Variants in TCF12 observed in about 807,000 individuals in gnomAD.
The protein encoded by TCF12 is DNA-binding protein HTF4.
A neutral mutation model predicts 86.0 loss-of-function variants in TCF12; 45 were observed. The observed-to-expected ratio is 0.52, with a 90% CI of 0.41 to 0.67. The LOEUF (loss-of-function observed/expected upper bound fraction) is 0.67. TCF12 is among the 30% of genes least tolerant of loss of function. TCF12 has a pLI of 0.00. For synonymous variants in TCF12, 330 were observed against 299.6 expected (o/e 1.10, Z -1.05); for missense variants, 881 against 859.9 (o/e 1.02, Z -0.31).
chr15:57,252,397 C>A, intron 14 of TCF12, 24 bp from the exon 15 acceptor site: 1 of 1,605,654 alleles, frequency 6.2e-7, no homozygotes, highest in South Asian at 1.1e-5. Flanking sequence ...TGCTTTGCCT[C>A]CTGTTCTGTC....
At position 57,202,656 on chromosome 15, in the gene TCF12, C is replaced by T. The variant is rs1050186893; in HGVS notation, c.579+4831C>T. 7.3e-5 allele frequency among the ~76,000 whole-genome samples: 11 copies of T among 151,680 alleles called. No homozygotes were observed. The East Asian group carries it at 7.8e-4, about 11-fold the overall frequency. On this transcript the variant is annotated intron_variant, in intron 8 of 20. Coordinates refer to ENST00000333725, the MANE Select transcript of TCF12 (RefSeq NM_207037.2). Reference sequence around the variant, plus strand: ...TTCACCGCTATAGCCAGGATGGTCTCGATCTCCCGACCTCCTGATCCACCT... The same window carrying T: ...TTCACCGCTATAGCCAGGATGGTCTTGATCTCCCGACCTCCTGATCCACCT...
At chr15:57,014,195 C>A (rs1000323148) in intron 3 of TCF12, among the ~76,000 whole-genome samples, 4 of 152,124 alleles carry the variant, frequency 2.6e-5, no homozygotes, top group Non-Finnish European at 5.9e-5. Context: ...GTTGATGTAC[C>A]AGTCTGATAA....
At chr15:56,985,075 A>T (rs76011204) in intron 3 of TCF12, among the ~76,000 whole-genome samples, 4,806 of 152,290 alleles carry the variant, frequency 0.032, 97 homozygotes, top group Non-Finnish European at 0.049. Flanking sequence ...TTCTTTTTAT[A>T]TATCAAAATG....
chr15:57,244,608 T>A lies in TCF12; in HGVS notation c.1114+1058T>A, dbSNP rs1185710928. 2.0e-5 allele frequency among the ~76,000 whole-genome samples: 3 copies of A among 152,126 alleles called. No homozygotes were observed. In the East Asian group the frequency reaches 5.8e-4, roughly 29 times the overall value. ...CCGAGTAGCTGGGATTACAGGCGTC[T>A]GCCACCACACCCGGCTAATTTTTGT... is the stretch of plus-strand genomic sequence containing the variant. On this transcript the variant is annotated intron_variant, in intron 13 of 20. Transcript: ENST00000333725.
At chr15:57,023,371 A>G (rs996094020) in intron 3 of TCF12, among the ~76,000 whole-genome samples, 5 of 152,168 alleles carry the variant, frequency 3.3e-5, no homozygotes, top group African/African-American at 4.8e-5. Context: ...AGGTGAGGAC[A>G]TTGAAACTCT....
At chr15:57,063,117 A>G (rs1158793218) in intron 3 of TCF12, among the ~76,000 whole-genome samples, 1 of 152,230 alleles carries the variant, frequency 6.6e-6, no homozygotes, top group East Asian at 1.9e-4. Flanking sequence ...TGCCACCTTC[A>G]TAAGAGTGGA....
At position 56,924,142 on chromosome 15, in the gene TCF12, G is replaced by C. The variant is rs1015067999; in HGVS notation, c.148+3044G>C. ...GTATTTCTATTTTTAGATAGTTGTA[G>C]ATTCATATGCAGTTGTAAGAAACTA... On this transcript the variant is annotated intron_variant, in intron 3 of 20. Transcript: ENST00000333725. Among the ~76,000 whole-genome samples, 21 of 152,116 alleles carry C rather than the reference G, an allele frequency of 1.4e-4. 1 individual carries two copies. The highest frequency in any genetic ancestry group is 1.6e-4 in the Non-Finnish European group (11 of 67,958).
At chr15:57,208,566 G>A (rs2057963934) in intron 8 of TCF12, among the ~76,000 whole-genome samples, 1 of 149,426 alleles carries the variant, frequency 6.7e-6, no homozygotes, top group East Asian at 2.0e-4. Flanking sequence ...TATTTTTTTT[G>A]TAGAAACAGG....
At chr15:56,945,700 A>G (rs1210335125) in intron 3 of TCF12, among the ~76,000 whole-genome samples, 1 of 151,998 alleles carries the variant, frequency 6.6e-6, no homozygotes, top group Non-Finnish European at 1.5e-5. Context: ...GAGGTTTGCC[A>G]TGGTTTGAAT....
intron 11 of TCF12, among the ~76,000 whole-genome samples, chr15:57,233,252 A>C (rs2059239654): frequency 6.6e-6 from 1 of 151,842 alleles, no homozygotes; most frequent in Non-Finnish European, 1.5e-5. Context: ...GGCTCACTGC[A>C]GCCTCAACCT....
At chr15:57,129,407 C>T (rs1385696564) in intron 5 of TCF12, among the ~76,000 whole-genome samples, 2 of 152,116 alleles carry the variant, frequency 1.3e-5, no homozygotes, top group Admixed American at 1.3e-4. Context: ...GAAAAATTAT[C>T]CAGGTTTAGT....
At chr15:57,113,778 T>TAAA (rs34582402) in intron 5 of TCF12, among the ~76,000 whole-genome samples, 10 of 95,800 alleles carry the variant, frequency 1.0e-4, no homozygotes, top group African/African-American at 2.1e-4. Flanking sequence ...CGTCTCTACT[T>TAAA]AAAAAAAAAA....
intron 5 of TCF12, among the ~76,000 whole-genome samples, chr15:57,128,986 C>T (rs1311728494): frequency 1.3e-5 from 2 of 152,064 alleles, no homozygotes; most frequent in Non-Finnish European, 2.9e-5. Context: ...AATAATATTG[C>T]TGTGTATTTG....
chr15:56,958,661 AAGAGAG>A lies in TCF12; in HGVS notation c.148+37576_148+37581del, dbSNP rs768375451. On this transcript the variant is annotated intron_variant, in intron 3 of 20. Coordinates refer to ENST00000333725, the MANE Select transcript of TCF12 (RefSeq NM_207037.2). Reference sequence around the variant, plus strand: ...ATATACAGTTTGCCTGTATATGAGAAAGAGAGAGAGAGAGAGAGTGTGTGTGTGTGT... The same window carrying A: ...ATATACAGTTTGCCTGTATATGAGAAAGAGAGAGAGAGTGTGTGTGTGTGT... Among the ~76,000 whole-genome samples, 469 of 119,078 alleles carry A rather than the reference AAGAGAG, an allele frequency of 3.9e-3. 4 individuals are homozygous for A. The highest frequency in any genetic ancestry group is 0.013 in the African/African-American group (450 of 34,928). The allele number at this position is 119,078 out of a possible 152,430, so 78.1% of individuals were successfully genotyped here.
intron 3 of TCF12, among the ~76,000 whole-genome samples, chr15:56,997,568 C>T (rs1397958703): frequency 6.6e-6 from 1 of 152,152 alleles, no homozygotes; most frequent in African/African-American, 2.4e-5. Context: ...CAGACCTCAG[C>T]ACCATCCAGT....
intron 3 of TCF12, among the ~76,000 whole-genome samples, chr15:56,993,057 A>G (rs12899187): frequency 0.39 from 58,746 of 151,966 alleles, 14,185 homozygotes; most frequent in Non-Finnish European, 0.53. Flanking sequence ...GAAGACTAGC[A>G]TTCAGAATAC....
intron 3 of TCF12, among the ~76,000 whole-genome samples, chr15:57,011,591 A>G (rs766011814): frequency 2.6e-4 from 40 of 152,236 alleles, no homozygotes; most frequent in Middle Eastern, 6.8e-3. Flanking sequence ...ACCCTCCACA[A>G]TTAGCCAGAG....
At chr15:56,961,655 C>A (rs2140573060) in intron 3 of TCF12, among the ~76,000 whole-genome samples, 1 of 152,136 alleles carries the variant, frequency 6.6e-6, no homozygotes, top group East Asian at 1.9e-4. Flanking sequence ...TGGTCATTAC[C>A]AATTAGTGGG....
chr15:57,136,361 T>C (rs2052520365), intron 5 of TCF12, among the ~76,000 whole-genome samples: 1 of 152,266 alleles, frequency 6.6e-6, no homozygotes, highest in Admixed American at 6.5e-5. Flanking sequence ...TTTCTTTTTT[T>C]TCTTTGCTCT....
Sources: gnomAD v4.1 joint callset for allele counts (sites outside exome capture counted in the v4.1 genomes callset) on GRCh38, gnomAD v4.1.1 for gene constraint, MANE v1.5 for transcripts, NCBI Gene and HGNC (gene_info 2026-07-23, HGNC 2026-07-21) for gene names.